PUDP: variants seen among roughly 807,000 people sequenced by gnomAD.
The protein encoded by PUDP is pseudouridine 5'-phosphatase.
Under a neutral mutation model 9.4 loss-of-function variants are expected in PUDP, and 8 were observed. The ratio of observed to expected loss-of-function variants is 0.85; its 90% CI spans 0.50 to 1.53. The LOEUF is 1.53. Ranked by LOEUF, PUDP falls within the 40% of genes most tolerant of loss-of-function variation. The pLI is 0.00. For missense variants in PUDP, 188 were observed against 189.7 expected, an observed-to-expected ratio of 0.99 and a Z score of 0.05; for synonymous variants, 99 against 80.7, an observed-to-expected ratio of 1.23 and a Z score of -1.22.
intron 3 of PUDP, among the ~76,000 whole-genome samples, chrX:6,765,004 C>T (rs774835658): frequency 1.8e-5 from 2 of 110,311 alleles, no homozygotes; most frequent in East Asian, 2.8e-4. Flanking sequence ...TGGTGGCTTA[C>T]GTCTGTAATC....
At chrX:6,738,121 T>C (rs1216733262) in intron 3 of PUDP, among the ~76,000 whole-genome samples, 1 of 111,546 alleles carries the variant, frequency 9.0e-6, no homozygotes, top group Non-Finnish European at 1.9e-5. Flanking sequence ...CAGTGCTTGA[T>C]GCAACTCTTG....
chrX:6,774,477 G>A (rs1031992263), intron 3 of PUDP, among the ~76,000 whole-genome samples: 1 of 111,983 alleles, frequency 8.9e-6, no homozygotes. Flanking sequence ...GTCTCAGGGT[G>A]GGCAATAGTA....
Position 7,110,650 on chromosome X carries a change from C to T in PUDP, c.62-4812G>A, listed in dbSNP as rs1216863414. Among the ~76,000 whole-genome samples the T allele has an allele frequency of 4.5e-5, 5 of 111,274 alleles. No homozygotes were observed. In the South Asian group the frequency reaches 1.5e-3, roughly 34 times the overall value. The stretch of plus-strand genomic sequence containing the variant: ...TTTTAATCACCTGGGTACAGGCAGA[C>T]TGAGTCCGAAAAAGGAGTCAGCAAA... On this transcript the variant is annotated intron_variant, in intron 1 of 3. Transcript: ENST00000381077.
At position 6,718,177 on chromosome X, in the gene PUDP, C is replaced by A. The variant is rs200090394; in HGVS notation, n.128+3240G>T. Among the ~76,000 whole-genome samples, 3 of 111,361 alleles carry A rather than the reference C, an allele frequency of 2.7e-5. No homozygotes were observed. The East Asian group carries it at 8.4e-4, about 31-fold the overall frequency. On this transcript the variant is annotated intron_variant and non_coding_transcript_variant, in intron 1 of 2. Coordinates refer to the PUDP transcript ENST00000438499. ...GTCACCCTGTTGATTTTATGGAAAA[C>A]AATATGGAGATTTCTCAGAGAACTA...
chrX:7,116,907 C>T, intron 1 of PUDP: 2 of 1,154,464 alleles, frequency 1.7e-6, no homozygotes, highest in Middle Eastern at 3.3e-4. Flanking sequence ...CATGGTACCT[C>T]CCCCCAACTC....
At chrX:7,139,017 T>C in intron 1 of PUDP, among the ~76,000 whole-genome samples, 1 of 112,134 alleles carries the variant, frequency 8.9e-6, no homozygotes, top group Non-Finnish European at 1.9e-5. Flanking sequence ...GGAATATCCA[T>C]TTTTCTTCTT....
At chrX:6,739,994 G>A (rs1235476451) in intron 3 of PUDP, among the ~76,000 whole-genome samples, 1 of 111,050 alleles carries the variant, frequency 9.0e-6, no homozygotes, top group Non-Finnish European at 1.9e-5. Flanking sequence ...TTTATTTATC[G>A]CAGAATGTCT....
intron 3 of PUDP, among the ~76,000 whole-genome samples, chrX:6,916,297 G>A (rs1480430280): frequency 9.3e-6 from 1 of 107,000 alleles, no homozygotes; most frequent in Non-Finnish European, 1.9e-5. Flanking sequence ...CTATCAAACA[G>A]TCCATGTCAT....
At chrX:6,856,407 G>A (rs950567509) in intron 3 of PUDP, among the ~76,000 whole-genome samples, 2 of 111,792 alleles carry the variant, frequency 1.8e-5, no homozygotes, top group South Asian at 3.8e-4. Flanking sequence ...CATGCATGCC[G>A]AAATTCATTG....
In PUDP at chrX:6,750,523, C is replaced by T. The variant is rs187633058; in HGVS notation, c.*248-44057G>A. On this transcript the variant is annotated intron_variant and NMD_transcript_variant, in intron 3 of 3. Coordinates refer to the PUDP transcript ENST00000655425. ...TAAAGATTTTCTCACTTCAGGTGCT[C>T]GGTGTATGTTGCTGACTGGCTAACT... 1.3e-4 allele frequency among the ~76,000 whole-genome samples: 14 copies of T among 111,111 alleles called. No individual in the cohort carries two copies. The East Asian group carries it at 2.5e-3, about 20-fold the overall frequency.
chrX:6,707,214 T>A (rs1924480850), intron 1 of PUDP, among the ~76,000 whole-genome samples: 1 of 110,666 alleles, frequency 9.0e-6, no homozygotes, highest in African/African-American at 3.3e-5. Flanking sequence ...AGTAAAAAAT[T>A]CTACTAGAGG....
chrX:6,931,180 T>A (rs377492872), intron 3 of PUDP, among the ~76,000 whole-genome samples: 33 of 111,244 alleles, frequency 3.0e-4, no homozygotes, highest in East Asian at 1.4e-3. Flanking sequence ...CTGCATTGAT[T>A]GGAATTATTA....
intron 3 of PUDP, among the ~76,000 whole-genome samples, chrX:6,845,505 G>C (rs899790161): frequency 1.5e-4 from 17 of 111,879 alleles, no homozygotes; most frequent in African/African-American, 5.2e-4. Context: ...TTAATTTGCA[G>C]ACCAATGTTT....
intron 3 of PUDP, among the ~76,000 whole-genome samples, chrX:6,749,735 C>A (rs1319583699): frequency 1.8e-5 from 2 of 111,830 alleles, no homozygotes; most frequent in East Asian, 2.8e-4. Context: ...TTTTTCCCAA[C>A]AAGCCACTTA....
intron 3 of PUDP, among the ~76,000 whole-genome samples, chrX:6,751,340 C>G (rs1038795348): frequency 9.0e-6 from 1 of 111,273 alleles, no homozygotes; most frequent in Admixed American, 9.5e-5. Flanking sequence ...GATGGATTCC[C>G]TTAGGTAACT....
intron 1 of PUDP, among the ~76,000 whole-genome samples, chrX:7,012,178 G>C (rs1929486018): frequency 9.0e-6 from 1 of 111,541 alleles, no homozygotes; most frequent in East Asian, 2.8e-4. Context: ...CTTTTATCTT[G>C]GTTTCCTTTG....
chrX:6,939,561 A>G (rs1462735658), intron 3 of PUDP, among the ~76,000 whole-genome samples: 1 of 110,253 alleles, frequency 9.1e-6, no homozygotes. Flanking sequence ...TTATTCCATG[A>G]AAAAAACTCA....
intron 3 of PUDP, among the ~76,000 whole-genome samples, chrX:6,803,661 ATG>A (rs1424521192): frequency 8.9e-6 from 1 of 112,458 alleles, no homozygotes; most frequent in Non-Finnish European, 1.9e-5. Context: ...TTGATAAGTG[ATG>A]TACATATCTC....
rs888817390 is a variant in PUDP, at chrX:7,033,646, G to A, written c.204+43574C>T. On this transcript the variant is annotated intron_variant and NMD_transcript_variant, in intron 1 of 3. Coordinates refer to the PUDP transcript ENST00000655425. ...GGAACATATAGTTCCTGGCTCCCTAGAGCTCATGGTCTAGGGGTTGGAGAG... is the reference window on the plus strand; with the variant it reads ...GGAACATATAGTTCCTGGCTCCCTAAAGCTCATGGTCTAGGGGTTGGAGAG... Among the ~76,000 whole-genome samples the A allele has an allele frequency of 4.5e-5, 5 of 111,215 alleles. No individual in the cohort carries two copies. The Admixed American group carries it at 4.8e-4, about 11-fold the overall frequency.
Sources: gnomAD v4.1 joint callset for allele counts (sites outside exome capture counted in the v4.1 genomes callset) on GRCh38, gnomAD v4.1.1 for gene constraint, MANE v1.5 for transcripts, NCBI Gene and HGNC (gene_info 2026-07-23, HGNC 2026-07-21) for gene names.